The following MYB variants were observed in gnomAD, a reference collection of about 807,000 sequenced individuals.
MYB encodes the protein transcriptional activator Myb.
MYB carries 28 observed loss-of-function variants against 92.9 expected under a neutral mutation model. That is an observed-to-expected ratio of 0.30 (90% CI 0.22 to 0.41). The LOEUF (loss-of-function observed/expected upper bound fraction) is 0.41, where lower values mean the gene tolerates loss of function less well. Ranked by LOEUF, MYB falls within the 10% of genes least tolerant of loss-of-function variation. MYB has a pLI of 1.00. For synonymous variants in MYB, 295 were observed against 329.1 expected, an observed-to-expected ratio of 0.90 and a Z score of 1.12; for missense variants, 679 against 929.3, an observed-to-expected ratio of 0.73 and a Z score of 3.50.
In MYB at chr6:135,217,918, A is replaced by G; in HGVS notation, c.2224A>G (p.Thr742Ala). The G allele has an allele frequency of 8.1e-6, 13 of 1,613,636 alleles. No homozygotes were observed. Among genetic ancestry groups the G allele is most frequent in the Non-Finnish European group, 1.1e-5 (13 of 1,179,696 alleles). The change falls in exon 16 of 16, where the codon ACA becomes GCA. Residue 742 changes from threonine to alanine, a missense_variant. Transcript: ENST00000341911. ...CTGTGGAAAGATGGAGGAGCAGATG[A>G]CATCTTCCAGTCAAGCTCGTAAATA... ...ASCGKMEEQM[T>A]SSSQARKYVN...
In MYB at chr6:135,190,682, A is replaced by G. The variant is rs1387797067; in HGVS notation, c.527+335A>G. ...GTAAACTATAAAACTCTAAATGCAT[A>G]GAAAGAAACTGAAGACAGTTTGTCT... On this transcript the variant is annotated intron_variant, in intron 5 of 15. Coordinates refer to ENST00000341911, the MANE Select transcript of MYB (RefSeq NM_001130173.2). The surrounding 1 kb of genome is among the most constrained non-coding windows in gnomAD (Gnocchi z 4.5). 2.0e-5 allele frequency among the ~76,000 whole-genome samples: 3 copies of G among 152,248 alleles called. No homozygotes were observed. Among genetic ancestry groups the G allele is most frequent in the Non-Finnish European group, 4.4e-5 (3 of 68,030 alleles).
At position 135,216,722 on chromosome 6, in the gene MYB, C is replaced by T. The variant is rs148789976; in HGVS notation, c.2170-1142C>T. ...TTCCCTGTTATGACTCTTCTTTATA[C>T]ACATTTTTAAACTCTGTTGTCTTGT... On this transcript the variant is annotated intron_variant, in intron 15 of 15. Coordinates refer to ENST00000341911, the MANE Select transcript of MYB (RefSeq NM_001130173.2). 1.6e-3 allele frequency among the ~76,000 whole-genome samples: 239 copies of T among 152,304 alleles called. 1 individual carries two copies. The highest frequency in any genetic ancestry group is 5.3e-3 in the African/African-American group (220 of 41,566).
chr6:135,189,781 A>G lies in MYB; in HGVS notation c.214-10A>G. 6.2e-7 allele frequency: 1 copy of G among 1,609,502 alleles called. No individual in the cohort carries two copies. Among genetic ancestry groups the G allele is most frequent in the African/African-American group, 1.4e-5 (1 of 72,700 alleles). ...ATATCTTTATGGTGGTGCATACTTT[A>G]TTTGTCTAGAATCGAACAGATGTGC... is the stretch of plus-strand genomic sequence containing the variant. On this transcript the variant is annotated splice_polypyrimidine_tract_variant and intron_variant, in intron 3 of 15. Coordinates refer to ENST00000341911, the MANE Select transcript of MYB (RefSeq NM_001130173.2).
Position 135,181,400 on chromosome 6 carries a change from G to A in MYB, c.-114G>A. The stretch of plus-strand genomic sequence containing the variant: ...TCTCCTGAGAAACTTCGCCCCAGCG[G>A]TGCGGAGCGCCGCTGCGCAGCCGGG... On this transcript the variant is annotated 5_prime_UTR_variant, in exon 1 of 16. It adds an upstream start codon to the 5' untranslated region. Transcript: ENST00000341911. The surrounding 1 kb of genome is among the most constrained non-coding windows in gnomAD (Gnocchi z 5.3). The A allele has an allele frequency of 1.5e-6, 1 of 676,290 alleles. No individual in the cohort carries two copies. Among genetic ancestry groups the A allele is most frequent in the Non-Finnish European group, 1.9e-6 (1 of 525,058 alleles). 41.9% of individuals were successfully genotyped at this position (676,290 alleles called of 1,614,324 possible). A position where few individuals can be genotyped will look rare whatever the true frequency, so the allele number is the denominator to read the frequency against.
intron 15 of MYB, among the ~76,000 whole-genome samples, chr6:135,211,046 A>G (rs1779636658): frequency 6.6e-6 from 1 of 151,964 alleles, no homozygotes; most frequent in Non-Finnish European, 1.5e-5. Flanking sequence ...CCTTGAAATA[A>G]AGGTAGTCAG....
At chr6:135,211,681 G>T (rs1029247742) in intron 15 of MYB, among the ~76,000 whole-genome samples, 1 of 152,168 alleles carries the variant, frequency 6.6e-6, no homozygotes, top group Non-Finnish European at 1.5e-5. Flanking sequence ...AAGGTGAAGA[G>T]ACCTCTAGAG....
intron 13 of MYB, chr6:135,200,639 C>A: frequency 1.6e-6 from 1 of 619,398 alleles, no homozygotes; most frequent in South Asian, 1.7e-5. Context: ...GGACAGAAAA[C>A]ATACTAGAGA....
rs1168541733 is a variant in MYB, at chr6:135,218,573, T to TA, written c.*599dup. On this transcript the variant is annotated 3_prime_UTR_variant, in exon 16 of 16. Transcript: ENST00000341911. ...ATTATTACTGTAAGAAATAGTTTTATAAAAAATTATATTTTTATTCAGTAA... is the reference window on the plus strand; with the variant it reads ...ATTATTACTGTAAGAAATAGTTTTATAAAAAAATTATATTTTTATTCAGTAA... 4.4e-5 allele frequency: 8 copies of TA among 181,556 alleles called. No homozygotes were observed. Among genetic ancestry groups the TA allele is most frequent in the African/African-American group, 1.4e-4 (6 of 42,472 alleles). The allele number at this position is 181,556 out of a possible 1,614,324, so 11.2% of individuals were successfully genotyped here. A position where few individuals can be genotyped will look rare whatever the true frequency, so the allele number is the denominator to read the frequency against.
intron 15 of MYB, among the ~76,000 whole-genome samples, chr6:135,211,877 G>A (rs778668952): frequency 7.9e-5 from 12 of 152,152 alleles, no homozygotes; most frequent in Non-Finnish European, 1.6e-4. Flanking sequence ...TCATTTAATT[G>A]ATTTGTGCCA....
rs3777540 is a variant in MYB at position 135,185,060 on chromosome 6, T to A, written c.24-843T>A. 4.7e-4 allele frequency among the ~76,000 whole-genome samples: 72 copies of A among 152,346 alleles called. 2 individuals carry two copies. In the East Asian group the frequency reaches 0.013, roughly 28 times the overall value. On this transcript the variant is annotated intron_variant, in intron 1 of 15. Coordinates refer to ENST00000341911, the MANE Select transcript of MYB (RefSeq NM_001130173.2). ...TAATGGGTTCTTTTAAATCCATGGCTTTTTTCTGGGGAAATCCCTTCTGGA... is the reference window on the plus strand; with the variant it reads ...TAATGGGTTCTTTTAAATCCATGGCATTTTTCTGGGGAAATCCCTTCTGGA...
At chr6:135,193,996 T>C (rs2128294035) in intron 7 of MYB, 78 bp downstream of exon 7, 2 of 1,168,204 alleles carry the variant, frequency 1.7e-6, no homozygotes, top group Non-Finnish European at 2.5e-6. Context: ...CACATATTTT[T>C]ACCTGAGCAA....
chr6:135,188,184 T>C (rs1184976987), intron 3 of MYB, among the ~76,000 whole-genome samples: 1 of 152,210 alleles, frequency 6.6e-6, no homozygotes, highest in African/African-American at 2.4e-5. Context: ...AGTATTTTGA[T>C]GATTTGTTAC....
At chr6:135,208,430 G>A (rs1180691080) in intron 15 of MYB, among the ~76,000 whole-genome samples, 6 of 151,872 alleles carry the variant, frequency 4.0e-5, no homozygotes, top group African/African-American at 1.2e-4. Flanking sequence ...CACCCAGGCT[G>A]GAGTGCAGTG....
At chr6:135,198,825 G>C (rs1205166521) in intron 10 of MYB, 83 bp from the exon 11 acceptor site, 1 of 1,109,534 alleles carries the variant, frequency 9.0e-7, no homozygotes, top group South Asian at 1.6e-5. Flanking sequence ...AAACATTCTT[G>C]TTATCTAGGT....
rs780394992 is a variant in MYB at position 135,200,423 on chromosome 6, C to T, written c.1950+8C>T. The T allele has an allele frequency of 1.6e-5, 26 of 1,613,846 alleles. No individual in the cohort carries two copies. Among genetic ancestry groups the T allele is most frequent in the South Asian group, 3.3e-5 (3 of 91,080 alleles). ...AAGAAAATCAAACAAGAGGTAAACA[C>T]GCAACCCTTTGGAAGCAACAAGCTG... On this transcript the variant is annotated splice_region_variant and intron_variant, in intron 13 of 15. Coordinates refer to ENST00000341911, the MANE Select transcript of MYB (RefSeq NM_001130173.2).
chr6:135,196,709 C>T, intron 9 of MYB: 2 of 1,458,888 alleles, frequency 1.4e-6, no homozygotes, highest in Non-Finnish European at 9.1e-7. Flanking sequence ...CTTCATTTTG[C>T]TTTCCATTGC....
chr6:135,200,412 A>G lies in MYB; in HGVS notation c.1947A>G (p.Gln649=). The G allele has an allele frequency of 6.2e-7, 1 of 1,614,116 alleles. No individual in the cohort carries two copies. Among genetic ancestry groups the G allele is most frequent in the Non-Finnish European group, 8.5e-7 (1 of 1,180,016 alleles). Residue 649 remains glutamine (Q), a synonymous_variant, in exon 13 of 16, where the codon CAA becomes CAG. Transcript: ENST00000341911. The stretch of plus-strand genomic sequence containing the variant: ...CACCCTTACTGAAGAAAATCAAACA[A>G]GAGGTAAACACGCAACCCTTTGGAA... The part of the protein sequence containing the change: ...NGPPLLKKIK[Q]EVESPTDKSG...
rs2128277968 is a variant in MYB at position 135,181,768 on chromosome 6, T to C, written c.23+232T>C. Among the ~76,000 whole-genome samples the C allele has an allele frequency of 6.6e-6, 1 of 152,328 alleles. No homozygotes were observed. The highest frequency in any genetic ancestry group is 2.1e-4 in the South Asian group (1 of 4,832). ...TTGGGAAGCACGCCCTGCGGCTCAT[T>C]TTGCAAGTTGCATGGGGATACATTT... On this transcript the variant is annotated intron_variant, in intron 1 of 15. Coordinates refer to ENST00000341911, the MANE Select transcript of MYB (RefSeq NM_001130173.2). The surrounding 1 kb of genome is among the most constrained non-coding windows in gnomAD (Gnocchi z 5.3).
intron 9 of MYB, among the ~76,000 whole-genome samples, chr6:135,196,271 G>T (rs1189028080): frequency 6.6e-6 from 1 of 151,890 alleles, no homozygotes; most frequent in Non-Finnish European, 1.5e-5. Context: ...TCCTTCAAAA[G>T]TCATATTTTT....
Sources: gnomAD v4.1 joint callset for allele counts (sites outside exome capture counted in the v4.1 genomes callset) on GRCh38, gnomAD v4.1.1 for gene constraint, Gnocchi (gnomAD v3.1) non-coding constraint, MANE v1.5 for transcripts, NCBI Gene and HGNC (gene_info 2026-07-23, HGNC 2026-07-21) for gene names.